The following KCNMB2 variants were observed in gnomAD, a reference collection of about 807,000 sequenced individuals.
The protein encoded by KCNMB2 is potassium calcium-activated channel subfamily M regulatory beta subunit 2.
A neutral mutation model predicts 24.5 loss-of-function variants in KCNMB2; 9 were observed. The ratio of observed to expected loss-of-function variants is 0.37; its 90% CI spans 0.22 to 0.64. The LOEUF is 0.64. KCNMB2 is among the 30% of genes least tolerant of loss of function. The pLI is 0.63. For synonymous variants in KCNMB2, 109 were observed against 104.4 expected, an observed-to-expected ratio of 1.04 and a Z score of -0.27; for missense variants, 226 against 284.3, an observed-to-expected ratio of 0.79 and a Z score of 1.47.
At chr3:178,600,191 T>A (rs1718028838) in intron 1 of KCNMB2, among the ~76,000 whole-genome samples, 1 of 152,204 alleles carries the variant, frequency 6.6e-6, no homozygotes, top group African/African-American at 2.4e-5. Flanking sequence ...ACTAGCTTAT[T>A]TTATTTAGCA....
intron 1 of KCNMB2, among the ~76,000 whole-genome samples, chr3:178,659,691 T>G (rs1720458809): frequency 6.6e-6 from 1 of 152,186 alleles, no homozygotes; most frequent in Non-Finnish European, 1.5e-5. Flanking sequence ...CACATGGGCT[T>G]CATGAGCAAG....
At chr3:178,684,955 G>A (rs73045959) in intron 1 of KCNMB2, among the ~76,000 whole-genome samples, 2 of 152,198 alleles carry the variant, frequency 1.3e-5, no homozygotes, top group African/African-American at 4.8e-5. Flanking sequence ...TTAAAAGCAC[G>A]CATCTGTGAA....
intron 1 of KCNMB2, among the ~76,000 whole-genome samples, chr3:178,635,893 A>G (rs537486478): frequency 6.6e-6 from 1 of 152,360 alleles, no homozygotes; most frequent in African/African-American, 2.4e-5. Context: ...ATTCATAGTC[A>G]TTAGTACCAC....
At chr3:178,642,014 AC>A (rs1719747054) in intron 1 of KCNMB2, among the ~76,000 whole-genome samples, 1 of 152,146 alleles carries the variant, frequency 6.6e-6, no homozygotes, top group Admixed American at 6.6e-5. Context: ...TATAAGACTT[AC>A]TAAATAGCTA....
chr3:178,715,436 G>A (rs1440046198), intron 1 of KCNMB2, among the ~76,000 whole-genome samples: 1 of 151,366 alleles, frequency 6.6e-6, no homozygotes, highest in Non-Finnish European at 1.5e-5. Context: ...TCCTTCTGTG[G>A]GCTCAAATGG....
At chr3:178,645,905 T>C (rs1719905093) in intron 1 of KCNMB2, among the ~76,000 whole-genome samples, 1 of 152,202 alleles carries the variant, frequency 6.6e-6, no homozygotes, top group Non-Finnish European at 1.5e-5. Context: ...TTAACAAATC[T>C]GATAGAATGT....
chr3:178,684,284 C>G (rs1721378888), intron 1 of KCNMB2, among the ~76,000 whole-genome samples: 1 of 136,832 alleles, frequency 7.3e-6, no homozygotes, highest in African/African-American at 2.8e-5. Context: ...TATGTGGAAT[C>G]TTTAAAATCT....
At chr3:178,734,816 A>T (rs2108370945) in intron 1 of KCNMB2, among the ~76,000 whole-genome samples, 1 of 152,306 alleles carries the variant, frequency 6.6e-6, no homozygotes, top group African/African-American at 2.4e-5. Flanking sequence ...TAAAAGGCCT[A>T]CCAAGAACCA....
At chr3:178,748,646 C>A (rs1723745659) in intron 1 of KCNMB2, among the ~76,000 whole-genome samples, 1 of 152,116 alleles carries the variant, frequency 6.6e-6, no homozygotes, top group Non-Finnish European at 1.5e-5. Context: ...TTCTTACAGG[C>A]CTGCAGGAAA....
chr3:178,636,735 C>T (rs1719537649), intron 1 of KCNMB2, among the ~76,000 whole-genome samples: 1 of 152,172 alleles, frequency 6.6e-6, no homozygotes, highest in African/African-American at 2.4e-5. Context: ...CTAAGCATTG[C>T]TTTTATTTTC....
chr3:178,794,667 G>A (rs11916611), intron 1 of KCNMB2, among the ~76,000 whole-genome samples: 47,062 of 152,072 alleles, frequency 0.31, 7,340 homozygotes, highest in South Asian at 0.38. Flanking sequence ...GCACTAAGAC[G>A]ACTCAGCCTT....
At chr3:178,624,467 C>T (rs1220876511) in intron 1 of KCNMB2, among the ~76,000 whole-genome samples, 1 of 152,044 alleles carries the variant, frequency 6.6e-6, no homozygotes, top group Non-Finnish European at 1.5e-5. Context: ...CTCCTTCCAA[C>T]ATACTTGTTG....
At chr3:178,793,518 G>C in intron 1 of KCNMB2, among the ~76,000 whole-genome samples, 1 of 152,104 alleles carries the variant, frequency 6.6e-6, no homozygotes, top group East Asian at 1.9e-4. Context: ...TCACCCTGGG[G>C]GGGTGGGCAA....
At chr3:178,668,997 T>C (rs1299675706) in intron 1 of KCNMB2, among the ~76,000 whole-genome samples, 1 of 152,122 alleles carries the variant, frequency 6.6e-6, no homozygotes, top group Non-Finnish European at 1.5e-5. Flanking sequence ...TTTACATAGC[T>C]CAGAGGGTTT....
chr3:178,802,491 A>T (rs1713811103), intron 1 of KCNMB2, among the ~76,000 whole-genome samples: 2 of 152,160 alleles, frequency 1.3e-5, no homozygotes, highest in South Asian at 4.1e-4. Context: ...AAGTGAGAAG[A>T]CACTGAGAAG....
intron 1 of KCNMB2, among the ~76,000 whole-genome samples, chr3:178,682,221 T>G (rs1305412629): frequency 1.3e-5 from 2 of 152,150 alleles, no homozygotes; most frequent in African/African-American, 2.4e-5. Context: ...TAAATGTCAG[T>G]TTTTCATCTG....
intron 1 of KCNMB2, among the ~76,000 whole-genome samples, chr3:178,632,734 A>T (rs13092609): frequency 0.13 from 19,974 of 152,082 alleles, 1,529 homozygotes; most frequent in Middle Eastern, 0.25. Context: ...TCAAAACACA[A>T]TCATGCCTTC....
chr3:178,781,999 T>A (rs866924640), intron 1 of KCNMB2, among the ~76,000 whole-genome samples: 2 of 122,670 alleles, frequency 1.6e-5, no homozygotes, highest in African/African-American at 6.3e-5. Flanking sequence ...GTCCATGTGA[T>A]CTCATTGTTC....
chr3:178,639,235 T>C (rs1037144647), intron 1 of KCNMB2, among the ~76,000 whole-genome samples: 1 of 152,200 alleles, frequency 6.6e-6, no homozygotes, highest in Non-Finnish European at 1.5e-5. Context: ...CTCATTTAAG[T>C]CTCACAGCAA....
Sources: gnomAD v4.1 joint callset for allele counts (sites outside exome capture counted in the v4.1 genomes callset) on GRCh38, gnomAD v4.1.1 for gene constraint, MANE v1.5 for transcripts, NCBI Gene and HGNC (gene_info 2026-07-23, HGNC 2026-07-21) for gene names.